Variants in CLTCL1 observed in about 807,000 individuals in gnomAD.
The protein encoded by CLTCL1 is clathrin heavy chain like 1, also known as clathrin heavy chain 2.
Under a neutral mutation model 190.0 loss-of-function variants are expected in CLTCL1, and 159 were observed. The observed-to-expected ratio is 0.84, with a 90% confidence interval of 0.74 to 0.95. The LOEUF is 0.95. Ranked by LOEUF, CLTCL1 falls within the 40% of genes least tolerant of loss-of-function variation. The pLI is 0.00. For synonymous variants in CLTCL1, 752 were observed against 769.6 expected (o/e 0.98, Z 0.38); for missense variants, 1,878 against 2,033.4 (o/e 0.92, Z 1.47).
chr22:19,181,865 T>C (rs28733842), intron 30 of CLTCL1: 1 of 152,162 alleles, frequency 6.6e-6, no homozygotes, highest in Non-Finnish European at 1.5e-5. Context: ...GCAGAGAAGG[T>C]GCTCCAGCAG....
rs367971028 is a variant in CLTCL1, at chr22:19,222,724, C to T, written c.2378G>A (p.Arg793His). ...CTCAATGTACCTCTGCAGGTTGTTGCGGTATAAATATAGGACAAGGTCATG... is the reference window on the plus strand; with the variant it reads ...CTCAATGTACCTCTGCAGGTTGTTGTGGTATAAATATAGGACAAGGTCATG... ...FVHDLVLYLY[R>H]NNLQRYIEIY... The change falls in exon 15 of 33, where the codon CGC (arginine) becomes CAC (histidine). Residue 793 changes from arginine to histidine, a missense_variant. Transcript: ENST00000427926. 5.0e-5 allele frequency: 79 copies of T among 1,594,850 alleles called. 1 individual carries two copies. The highest frequency in any genetic ancestry group is 3.3e-4 in the Middle Eastern group (2 of 6,036).
chr22:19,285,204 G>A (rs1325632789), intron 1 of CLTCL1, among the ~76,000 whole-genome samples: 1 of 151,944 alleles, frequency 6.6e-6, no homozygotes, highest in African/African-American at 2.4e-5. Context: ...GAACCCTGGA[G>A]GCAGAGGTTG....
intron 4 of CLTCL1, among the ~76,000 whole-genome samples, chr22:19,242,353 G>A (rs1257543180): frequency 1.3e-5 from 2 of 151,472 alleles, no homozygotes; most frequent in Non-Finnish European, 2.9e-5. Flanking sequence ...GTAGTGGTGC[G>A]ATCTCGACTC....
intron 20 of CLTCL1, among the ~76,000 whole-genome samples, chr22:19,209,619 G>A (rs2085156550): frequency 6.6e-6 from 1 of 152,184 alleles, no homozygotes; most frequent in Non-Finnish European, 1.5e-5. Context: ...CTGTCTCAAA[G>A]CAAGGCCAGA....
At chr22:19,238,977 C>T (rs544967944) in intron 5 of CLTCL1, among the ~76,000 whole-genome samples, 1 of 152,262 alleles carries the variant, frequency 6.6e-6, no homozygotes, top group East Asian at 1.9e-4. Flanking sequence ...TTTAAATATT[C>T]TCATACCACA....
At chr22:19,204,927 G>T (rs2085004870) in intron 22 of CLTCL1, among the ~76,000 whole-genome samples, 1 of 152,134 alleles carries the variant, frequency 6.6e-6, no homozygotes, top group Admixed American at 6.5e-5. Flanking sequence ...GCCCCACCCA[G>T]CCGGCCCTAT....
At chr22:19,250,484 G>C (rs562275268) in intron 3 of CLTCL1, among the ~76,000 whole-genome samples, 1 of 151,466 alleles carries the variant, frequency 6.6e-6, no homozygotes, top group Non-Finnish European at 1.5e-5. Flanking sequence ...GACTACAGGT[G>C]CATGCCACCA....
chr22:19,204,475 C>A (rs1252357155), intron 22 of CLTCL1, among the ~76,000 whole-genome samples: 5 of 152,202 alleles, frequency 3.3e-5, no homozygotes, highest in African/African-American at 1.2e-4. Context: ...CGCTTCTTAT[C>A]CCTGCCCCGC....
chr22:19,242,929 C>T lies in CLTCL1; in HGVS notation c.527G>A (p.Arg176His), dbSNP rs563436981. 8 of 1,612,308 alleles carry T rather than the reference C, an allele frequency of 5.0e-6. No individual in the cohort carries two copies. Among genetic ancestry groups the T allele is most frequent in the African/African-American group, 1.3e-5 (1 of 74,830 alleles). Residue 176 changes from arginine (R) to histidine (H), a missense_variant, in exon 4 of 33, where the codon CGT (arginine) becomes CAT (histidine). Transcript: ENST00000427926. ...LLVGISAQQNRVVGAMQLYSV... is the reference protein window; with the variant it reads ...LLVGISAQQNHVVGAMQLYSV... ...GTAGAGCTGCATTGCTCCAACCACA[C>T]GGTTTTGCTAAGAAAAGATATTATG...
At position 19,275,722 on chromosome 22, in the gene CLTCL1, T is replaced by C; in HGVS notation, c.151A>G (p.Thr51Ala). 2.5e-6 allele frequency: 4 copies of C among 1,608,296 alleles called. No homozygotes were observed. Among genetic ancestry groups the C allele is most frequent in the Non-Finnish European group, 2.5e-6 (3 of 1,177,364 alleles). ...REKVGEQAQV[T>A]IIDMSDPMAP... ...ATTGGGTCACTCATGTCAATGATCG[T>C]GACCTGTGCCTGCTCACCAACTTTC... The change falls in exon 2 of 33, where the codon ACG becomes GCG. Residue 51 changes from threonine (T) to alanine (A), a missense_variant. Thr to Ala is a moderately conservative substitution (Grantham distance 58, BLOSUM62 0). Transcript: ENST00000427926.
intron 29 of CLTCL1, 126 bp downstream of exon 29, chr22:19,187,432 A>T: frequency 1.1e-6 from 1 of 923,800 alleles, no homozygotes; most frequent in Non-Finnish European, 1.6e-6. Flanking sequence ...CCCACCCACC[A>T]CGAGGATCCC....
In CLTCL1 at chr22:19,273,398, G is replaced by A. The variant is rs148357292; in HGVS notation, c.250+2225C>T. 9.3e-3 allele frequency among the ~76,000 whole-genome samples: 1,421 copies of A among 152,280 alleles called. 32 individuals are homozygous for A. The highest frequency in any genetic ancestry group is 0.066 in the East Asian group (339 of 5,172). The stretch of plus-strand genomic sequence containing the variant: ...CAAGACTCAACATGTTATAGTTGAA[G>A]TGATCTATATGACCATTAAGAACGA... On this transcript the variant is annotated intron_variant, in intron 2 of 32. Transcript: ENST00000427926.
chr22:19,203,679 T>C (rs2084966879), intron 22 of CLTCL1, among the ~76,000 whole-genome samples: 1 of 152,110 alleles, frequency 6.6e-6, no homozygotes, highest in Admixed American at 6.5e-5. Flanking sequence ...TGCCATGCTC[T>C]CCCACACAGG....
chr22:19,232,897 T>A (rs1357977114), intron 9 of CLTCL1: 1 of 552,152 alleles, frequency 1.8e-6, no homozygotes, highest in Non-Finnish European at 3.1e-6. Flanking sequence ...TGCCAAAATA[T>A]CAAATTAACA....
intron 2 of CLTCL1, among the ~76,000 whole-genome samples, chr22:19,264,881 C>T (rs1181002984): frequency 1.3e-5 from 2 of 151,976 alleles, no homozygotes; most frequent in Non-Finnish European, 2.9e-5. Context: ...CTCCGCCTCC[C>T]GGATTCAAGT....
chr22:19,232,590 G>C lies in CLTCL1; in HGVS notation c.1530C>G (p.Tyr510Ter). ...KIVLYAKKVG[Y>*]TPDWIFLLRG... ...TCAGCAGAAAGATCCAGTCTGGGGT[G>C]TACCCAACCTAGAAGCAAGGGAGCA... The change falls in exon 10 of 33, where the codon TAC (tyrosine) becomes TAG (stop). Residue 510 changes from tyrosine to a stop codon, truncating the protein, a stop_gained. Transcript: ENST00000427926. LOFTEE classifies it high-confidence loss of function. The C allele has an allele frequency of 6.2e-7, 1 of 1,612,306 alleles. No individual in the cohort carries two copies. Among genetic ancestry groups the C allele is most frequent in the East Asian group, 2.2e-5 (1 of 44,840 alleles).
At chr22:19,216,736 A>AAAGACTGGC (rs1319269372) in intron 18 of CLTCL1, among the ~76,000 whole-genome samples, 1 of 152,196 alleles carries the variant, frequency 6.6e-6, no homozygotes, top group Non-Finnish European at 1.5e-5. Flanking sequence ...AAGACCAACA[A>AAAGACTGGC]AAGACTGGCT....
chr22:19,196,123 G>C (rs1238933042), intron 26 of CLTCL1, 143 bp downstream of exon 26: 1 of 779,662 alleles, frequency 1.3e-6, no homozygotes, highest in Non-Finnish European at 2.0e-6. Context: ...TCTGCCCAGA[G>C]GGTGGTGGAC....
rs2086062242 is a variant in CLTCL1, at chr22:19,235,744, A to G, written c.921T>C (p.Ala307=). 3.1e-6 allele frequency: 5 copies of G among 1,613,884 alleles called. No individual in the cohort carries two copies. The highest frequency in any genetic ancestry group is 4.2e-6 in the Non-Finnish European group (5 of 1,179,894). ...TAATTCCAGAGGTTGGTTTGTGTGG[A>G]GCAGTGACAAATATTGTGTCAGCAC... ...RISADTIFVT[A]PHKPTSGIIG... is the part of the protein sequence containing the mutation. Residue 307 remains alanine, a synonymous_variant, in exon 6 of 33, where the codon GCT becomes GCC. Transcript: ENST00000427926.
Sources: gnomAD v4.1 joint callset for allele counts (sites outside exome capture counted in the v4.1 genomes callset) on GRCh38, gnomAD v4.1.1 for gene constraint, MANE v1.5 for transcripts, NCBI Gene and HGNC (gene_info 2026-07-23, HGNC 2026-07-21) for gene names.